NHEJ1: variants seen among roughly 807,000 people sequenced by gnomAD.
The protein encoded by NHEJ1 is non-homologous end joining factor 1.
NHEJ1 carries 22 observed loss-of-function variants against 39.4 expected under a neutral mutation model. The ratio of observed to expected loss-of-function variants is 0.56; its 90% CI spans 0.40 to 0.80. The LOEUF is 0.80. Among genes scored for constraint, NHEJ1 ranks in the 30% least tolerant of loss-of-function variants. The pLI is 0.00. For synonymous variants in NHEJ1, 154 were observed against 135.6 expected (o/e 1.14, Z -0.94); for missense variants, 329 against 357.1 (o/e 0.92, Z 0.63).
chr2:219,151,226 T>C (rs981168104), intron 3 of NHEJ1, among the ~76,000 whole-genome samples: 2 of 151,218 alleles, frequency 1.3e-5, no homozygotes, highest in Non-Finnish European at 2.9e-5. Context: ...ATTTGATGAG[T>C]TGAATTGAAA....
At chr2:219,115,830 T>C (rs893110564) in intron 5 of NHEJ1, among the ~76,000 whole-genome samples, 3 of 152,152 alleles carry the variant, frequency 2.0e-5, no homozygotes, top group Admixed American at 6.5e-5. Flanking sequence ...TCACATCAAA[T>C]ATAATTCCTG....
intron 5 of NHEJ1, among the ~76,000 whole-genome samples, chr2:219,145,335 A>G (rs533486504): frequency 6.6e-6 from 1 of 152,346 alleles, no homozygotes; most frequent in African/African-American, 2.4e-5. Context: ...CAGTACCTGG[A>G]CTGAGCACCT....
chr2:219,144,376 T>C (rs1013508566), intron 5 of NHEJ1, among the ~76,000 whole-genome samples: 1 of 152,106 alleles, frequency 6.6e-6, no homozygotes, highest in Non-Finnish European at 1.5e-5. Context: ...GAGAAAGCCA[T>C]AGTCTTGCAG....
In NHEJ1 at chr2:219,070,066, C is replaced by A. The variant is rs1180178271; in HGVS notation, c.*6315G>T. Among the ~76,000 whole-genome samples the A allele has an allele frequency of 6.6e-6, 1 of 152,230 alleles. No homozygotes were observed. The highest frequency in any genetic ancestry group is 2.4e-5 in the African/African-American group (1 of 41,448). On this transcript the variant is annotated 3_prime_UTR_variant, in exon 8 of 8. Transcript: ENST00000356853. ...ACTGAGTGCTTATTCACTATCACCA[C>A]CAACAGGGGCATTATGCTCCTTGCT...
Position 219,111,659 on chromosome 2 carries a change from A to C in NHEJ1, c.589-33453T>G, listed in dbSNP as rs553070775. Among the ~76,000 whole-genome samples the C allele has an allele frequency of 9.3e-5, 14 of 150,532 alleles. No individual in the cohort carries two copies. The highest frequency in any genetic ancestry group is 6.6e-4 in the Admixed American group (10 of 15,200). On this transcript the variant is annotated intron_variant, in intron 5 of 7. Transcript: ENST00000356853. This position sits in a 1 kb window ranked among gnomAD's most constrained non-coding sequence, Gnocchi z 4.1. ...CACACACACACACACACACACACAC[A>C]CACAGAGAGATACATACAGTCAGTG...
intron 5 of NHEJ1, among the ~76,000 whole-genome samples, chr2:219,093,625 GT>G (rs978975765): frequency 5.9e-5 from 9 of 152,108 alleles, no homozygotes; most frequent in African/African-American, 2.2e-4. Context: ...TCTTCCCACT[GT>G]TTTTAATACC....
chr2:219,086,307 A>T (rs2106325237), intron 5 of NHEJ1, among the ~76,000 whole-genome samples: 1 of 152,372 alleles, frequency 6.6e-6, no homozygotes, highest in African/African-American at 2.4e-5. Context: ...CTAAGGTCAC[A>T]GCAAAATGGG....
At chr2:219,147,961 A>C (rs1949758947) in intron 3 of NHEJ1, among the ~76,000 whole-genome samples, 166 bp from the exon 4 acceptor site, 1 of 152,248 alleles carries the variant, frequency 6.6e-6, no homozygotes, top group South Asian at 2.1e-4. Flanking sequence ...TACAATAATT[A>C]AATATATTAA....
At chr2:219,121,130 C>T (rs559007640) in intron 5 of NHEJ1, among the ~76,000 whole-genome samples, 2 of 151,756 alleles carry the variant, frequency 1.3e-5, no homozygotes, top group Non-Finnish European at 2.9e-5. Flanking sequence ...CACTTGAACC[C>T]GGGAGGCTGA....
chr2:219,113,266 A>G (rs1020437036), intron 5 of NHEJ1, among the ~76,000 whole-genome samples: 21 of 152,016 alleles, frequency 1.4e-4, no homozygotes, highest in Non-Finnish European at 2.9e-5. Context: ...AGAATTTCCA[A>G]CGCTGCAGTC....
In NHEJ1 at chr2:219,077,374, G is replaced by C. The variant is rs1340762730; in HGVS notation, c.707-10C>G. ...GAGGTATGAGGATCTCCTGAAATCA[G>C]AAAGATCAAGAGAAGATAGTGATAA... On this transcript the variant is annotated splice_polypyrimidine_tract_variant and intron_variant, in intron 6 of 7. Coordinates refer to ENST00000356853, the MANE Select transcript of NHEJ1 (RefSeq NM_024782.3). 1 of 1,581,074 alleles carries C rather than the reference G, an allele frequency of 6.3e-7. No homozygotes were observed. Among genetic ancestry groups the C allele is most frequent in the African/African-American group, 1.3e-5 (1 of 74,282 alleles).
At chr2:219,139,791 C>T (rs566469675) in intron 5 of NHEJ1, among the ~76,000 whole-genome samples, 14 of 152,214 alleles carry the variant, frequency 9.2e-5, no homozygotes, top group East Asian at 3.9e-4. Flanking sequence ...GCCATTCTCC[C>T]GCCTCAGCCT....
intron 5 of NHEJ1, among the ~76,000 whole-genome samples, chr2:219,103,388 G>A (rs1257099238): frequency 6.6e-6 from 1 of 151,818 alleles, no homozygotes; most frequent in Admixed American, 6.6e-5. Context: ...CGATTCTCCT[G>A]TCTCAGACTC....
chr2:219,123,657 C>T (rs1949491086), intron 5 of NHEJ1, among the ~76,000 whole-genome samples: 1 of 152,154 alleles, frequency 6.6e-6, no homozygotes, highest in Non-Finnish European at 1.5e-5. Flanking sequence ...CTGTACTCAT[C>T]CACCAAGACA....
intron 5 of NHEJ1, among the ~76,000 whole-genome samples, chr2:219,091,463 T>C (rs1429400431): frequency 6.6e-6 from 1 of 152,044 alleles, no homozygotes; most frequent in African/African-American, 2.4e-5. Flanking sequence ...GGCATGGGGA[T>C]AGGGAGGCAA....
At chr2:219,108,348 C>T (rs1403379607) in intron 5 of NHEJ1, among the ~76,000 whole-genome samples, 1 of 152,116 alleles carries the variant, frequency 6.6e-6, no homozygotes, top group African/African-American at 2.4e-5. Context: ...CAGTCTAATC[C>T]ATCCAAATGC....
chr2:219,105,843 T>C (rs1049031793), intron 5 of NHEJ1, among the ~76,000 whole-genome samples: 2 of 152,226 alleles, frequency 1.3e-5, no homozygotes, highest in African/African-American at 4.8e-5. Flanking sequence ...CTTGGACCTA[T>C]ATTTGCTCTC....
At chr2:219,106,757 C>A (rs1202830356) in intron 5 of NHEJ1, among the ~76,000 whole-genome samples, 3 of 152,192 alleles carry the variant, frequency 2.0e-5, no homozygotes, top group Admixed American at 2.0e-4. Flanking sequence ...CCCACAGATT[C>A]AGACTGTGCT....
intron 5 of NHEJ1, among the ~76,000 whole-genome samples, chr2:219,103,500 T>C (rs1390964763): frequency 3.9e-5 from 6 of 152,132 alleles, no homozygotes; most frequent in Non-Finnish European, 7.3e-5. Context: ...GGTCTCCATC[T>C]CCTGACCTCA....
Sources: allele counts gnomAD v4.1 joint callset (sites outside exome capture counted in the v4.1 genomes callset), GRCh38; gene constraint gnomAD v4.1.1; non-coding constraint Gnocchi (gnomAD v3.1); transcripts MANE v1.5; gene names NCBI Gene and HGNC (gene_info 2026-07-23, HGNC 2026-07-21).